KLHL8: variants seen among roughly 807,000 people sequenced by gnomAD.
KLHL8 encodes kelch like family member 8, also known as kelch-like protein 8.
Under a neutral mutation model 63.5 loss-of-function variants are expected in KLHL8, and 38 were observed. That is an observed-to-expected ratio of 0.60 (90% CI 0.46 to 0.78). KLHL8 has a LOEUF of 0.78. Ranked by LOEUF, KLHL8 falls within the 30% of genes least tolerant of loss-of-function variation. The probability of loss-of-function intolerance (pLI) is 0.00; values close to 1 mark genes in which losing one functional copy is unlikely to be tolerated. For missense variants in KLHL8, 566 were observed against 752.4 expected, an observed-to-expected ratio of 0.75 and a Z score of 2.90; for synonymous variants, 224 against 254.3, an observed-to-expected ratio of 0.88 and a Z score of 1.13.
chr4:87,195,289 G>A (rs571917735), intron 2 of KLHL8, 35 bp downstream of exon 2: 3 of 1,555,138 alleles, frequency 1.9e-6, no homozygotes, highest in East Asian at 4.5e-5. Flanking sequence ...TTACACTGAA[G>A]AGGCCTGAGA....
chr4:87,222,587 T>A (rs1172384290), upstream of KLHL8, among the ~76,000 whole-genome samples: 3 of 152,134 alleles, frequency 2.0e-5, no homozygotes, highest in African/African-American at 4.8e-5. Context: ...TTATTTATTT[T>A]ATTTTATTTT....
chr4:87,212,306 T>C (rs1732432950), intron 1 of KLHL8, among the ~76,000 whole-genome samples: 2 of 152,186 alleles, frequency 1.3e-5, no homozygotes, highest in African/African-American at 4.8e-5. Flanking sequence ...TAATTTTTTT[T>C]TGAAAACTGA....
chr4:87,183,471 G>T, intron 3 of KLHL8, 82 bp from the exon 4 acceptor site: 1 of 1,123,610 alleles, frequency 8.9e-7, no homozygotes, highest in East Asian at 2.6e-5. Flanking sequence ...ATCAAATAAA[G>T]GTGAAAACAA....
intron 2 of KLHL8, among the ~76,000 whole-genome samples, chr4:87,186,195 C>T (rs753055997): frequency 2.6e-5 from 4 of 151,884 alleles, no homozygotes; most frequent in African/African-American, 7.3e-5. Flanking sequence ...TGCACCACCA[C>T]GCCTGGCTAA....
At chr4:87,235,655 TGATCTC>T (rs1417103831) in intron 1 of KLHL8, among the ~76,000 whole-genome samples, 5 of 152,226 alleles carry the variant, frequency 3.3e-5, no homozygotes, top group Admixed American at 3.3e-4. Context: ...TCACCTAGCA[TGATCTC>T]TATAGCTAAT....
upstream of KLHL8, among the ~76,000 whole-genome samples, chr4:87,224,876 A>C (rs73839122): frequency 0.13 from 19,112 of 151,940 alleles, 2,328 homozygotes; most frequent in African/African-American, 0.31. Context: ...ATTTTCTGAT[A>C]TATTTCTCTG....
At chr4:87,224,494 A>G (rs1448990957), upstream of KLHL8, among the ~76,000 whole-genome samples, 1 of 152,194 alleles carries the variant, frequency 6.6e-6, no homozygotes, top group Non-Finnish European at 1.5e-5. Flanking sequence ...AAAGCTTGCA[A>G]CCAGAGAGCA....
At chr4:87,170,681 A>C in intron 6 of KLHL8, 66 bp from the exon 7 acceptor site, 1 of 1,359,192 alleles carries the variant, frequency 7.4e-7, no homozygotes, top group Non-Finnish European at 1.0e-6. Context: ...TCATATAAAA[A>C]ATTGTGCTAA....
intron 1 of KLHL8, among the ~76,000 whole-genome samples, chr4:87,197,666 T>C (rs113071385): frequency 0.034 from 5,174 of 152,250 alleles, 134 homozygotes; most frequent in Middle Eastern, 0.099. Context: ...CAATAAAAAA[T>C]GAATATAGAC....
chr4:87,227,107 G>A (rs1232151278), intron 1 of KLHL8, among the ~76,000 whole-genome samples: 1 of 146,156 alleles, frequency 6.8e-6, no homozygotes, highest in Admixed American at 7.3e-5. Context: ...GAAAATAAAT[G>A]CAACATGGCA....
At chr4:87,221,108 G>T (rs1190193539), upstream of KLHL8, 1 of 152,246 alleles carries the variant, frequency 6.6e-6, no homozygotes, top group African/African-American at 2.4e-5. Context: ...CTAAAAAGCA[G>T]TGCAAGTGGC....
intron 1 of KLHL8, among the ~76,000 whole-genome samples, chr4:87,205,480 G>A (rs986481738): frequency 6.6e-5 from 10 of 152,062 alleles, no homozygotes; most frequent in Admixed American, 6.6e-5. Context: ...ACTATCTGCC[G>A]TCATCGTTCT....
chr4:87,229,406 G>A (rs1043923286), intron 1 of KLHL8, among the ~76,000 whole-genome samples: 2 of 149,082 alleles, frequency 1.3e-5, no homozygotes, highest in Non-Finnish European at 3.0e-5. Context: ...CTCAAATCTG[G>A]AATATCTTTT....
At chr4:87,186,343 C>T (rs1045271203) in intron 2 of KLHL8, among the ~76,000 whole-genome samples, 6 of 151,866 alleles carry the variant, frequency 4.0e-5, no homozygotes, top group Admixed American at 1.3e-4. Context: ...CCACCACACT[C>T]GGCCTCTTTT....
intron 1 of KLHL8, among the ~76,000 whole-genome samples, chr4:87,210,524 A>G (rs1166992938): frequency 6.6e-6 from 1 of 152,174 alleles, no homozygotes; most frequent in Non-Finnish European, 1.5e-5. Flanking sequence ...TTTACAATTC[A>G]GTTAGATGAA....
chr4:87,207,684 C>T (rs2110037228), intron 1 of KLHL8: 1 of 990,694 alleles, frequency 1.0e-6, no homozygotes, highest in South Asian at 1.3e-5. Flanking sequence ...GTGACAGCTG[C>T]AGGGCTCTCC....
intron 1 of KLHL8, among the ~76,000 whole-genome samples, chr4:87,226,908 T>C (rs867452876): frequency 3.9e-4 from 16 of 40,922 alleles, no homozygotes; most frequent in African/African-American, 1.6e-3. Flanking sequence ...TAATATATAA[T>C]ATATAAATAA....
At chr4:87,237,715 T>C (rs1733256564) in intron 1 of KLHL8, among the ~76,000 whole-genome samples, 1 of 152,126 alleles carries the variant, frequency 6.6e-6, no homozygotes. Flanking sequence ...TGGTCCCAGC[T>C]ACTCAGGAGG....
intron 6 of KLHL8, among the ~76,000 whole-genome samples, chr4:87,173,330 G>A (rs1162454139): frequency 2.0e-5 from 3 of 152,200 alleles, no homozygotes; most frequent in African/African-American, 7.2e-5. Context: ...CAGAGGCAGA[G>A]ACACTGGCTA....
Sources: allele counts gnomAD v4.1 joint callset (sites outside exome capture counted in the v4.1 genomes callset), GRCh38; gene constraint gnomAD v4.1.1; transcripts MANE v1.5; gene names NCBI Gene and HGNC (gene_info 2026-07-23, HGNC 2026-07-21).